PEBP4: variants seen among roughly 807,000 people sequenced by gnomAD.
PEBP4 encodes phosphatidylethanolamine binding protein 4.
PEBP4 carries 22 observed loss-of-function variants against 23.9 expected under a neutral mutation model. That is an observed-to-expected ratio of 0.92 (90% CI 0.66 to 1.31). The LOEUF (loss-of-function observed/expected upper bound fraction) is 1.31. Ranked by LOEUF, PEBP4 falls within the 40% of genes most tolerant of loss-of-function variation. The pLI is 0.00. For missense variants in PEBP4, 324 were observed against 281.7 expected (o/e 1.15, Z -1.07); for synonymous variants, 112 against 99.3 (o/e 1.13, Z -0.76).
chr8:22,771,307 G>T (rs965016740), intron 4 of PEBP4, among the ~76,000 whole-genome samples: 10 of 152,290 alleles, frequency 6.6e-5, no homozygotes, highest in Admixed American at 6.5e-5. Flanking sequence ...TAGCCAACAT[G>T]GTGAAACCCT....
chr8:22,804,095 C>T (rs779800793), intron 4 of PEBP4, among the ~76,000 whole-genome samples: 1 of 152,064 alleles, frequency 6.6e-6, no homozygotes, highest in African/African-American at 2.4e-5. Context: ...TTTGGGAGGC[C>T]GAGGTGGGAG....
intron 4 of PEBP4, among the ~76,000 whole-genome samples, chr8:22,743,228 C>T: frequency 6.6e-6 from 1 of 152,182 alleles, no homozygotes. Flanking sequence ...GAGAGTGAGG[C>T]CTGCCTGAGA....
intron 3 of PEBP4, among the ~76,000 whole-genome samples, chr8:22,846,557 C>T (rs1222631675): frequency 6.6e-6 from 1 of 152,186 alleles, no homozygotes; most frequent in Non-Finnish European, 1.5e-5. Flanking sequence ...GCGATGCCCA[C>T]AGTTCTCCTT....
chr8:22,903,808 G>T (rs1256091114), intron 3 of PEBP4, among the ~76,000 whole-genome samples: 1 of 152,172 alleles, frequency 6.6e-6, no homozygotes, highest in East Asian at 1.9e-4. Context: ...ACTGGGCCAG[G>T]GTTACCTGGT....
chr8:22,889,554 C>T (rs1048872802), intron 3 of PEBP4, among the ~76,000 whole-genome samples: 14 of 152,200 alleles, frequency 9.2e-5, no homozygotes, highest in African/African-American at 2.7e-4. Flanking sequence ...GCAAACAGAA[C>T]CCTTAAAGGA....
chr8:22,734,346 G>A (rs1804806017), intron 4 of PEBP4, among the ~76,000 whole-genome samples: 1 of 152,212 alleles, frequency 6.6e-6, no homozygotes, highest in South Asian at 2.1e-4. Flanking sequence ...GGCCACTGAG[G>A]TGGGTGGAAT....
At chr8:22,924,869 C>A in intron 2 of PEBP4, 1 of 985,340 alleles carries the variant, frequency 1.0e-6, no homozygotes, top group Non-Finnish European at 1.2e-6. Context: ...TCCCGAGAAG[C>A]GTTACTCTTA....
chr8:22,714,446 C>T (rs540158783), intron 6 of PEBP4, among the ~76,000 whole-genome samples: 38 of 151,772 alleles, frequency 2.5e-4, no homozygotes, highest in Non-Finnish European at 4.7e-4. Flanking sequence ...TTGGTGTGAG[C>T]GTGTCCCACA....
At chr8:22,746,125 C>CTT (rs11431376) in intron 4 of PEBP4, among the ~76,000 whole-genome samples, 34 of 150,514 alleles carry the variant, frequency 2.3e-4, no homozygotes, top group Middle Eastern at 3.4e-3. Context: ...AACTTCCTTC[C>CTT]TTTTTTTTTC....
At chr8:22,890,477 C>T (rs551298157) in intron 3 of PEBP4, among the ~76,000 whole-genome samples, 1 of 152,366 alleles carries the variant, frequency 6.6e-6, no homozygotes, top group African/African-American at 2.4e-5. Flanking sequence ...CTGGTGCATT[C>T]TCCATTCTCC....
chr8:22,782,095 G>C (rs1338438617), intron 4 of PEBP4, among the ~76,000 whole-genome samples: 1 of 152,202 alleles, frequency 6.6e-6, no homozygotes, highest in Non-Finnish European at 1.5e-5. Context: ...ACTGGACAGA[G>C]GTGTCCAAGT....
Position 22,902,961 on chromosome 8 carries a change from G to A in PEBP4, c.258+17223C>T, listed in dbSNP as rs186945958. Among the ~76,000 whole-genome samples, 21 of 152,250 alleles carry A rather than the reference G, an allele frequency of 1.4e-4. No homozygotes were observed. In the East Asian group the frequency reaches 3.7e-3, roughly 27 times the overall value. On this transcript the variant is annotated intron_variant, in intron 3 of 6. Transcript: ENST00000256404. ...GTTGGGGAGTGGGGTGGAGGTGAGC[G>A]TTGAACCTTGGACCTTTCTCATTAC... is the stretch of plus-strand genomic sequence containing the variant.
At chr8:22,878,442 G>A (rs1808175430) in intron 3 of PEBP4, among the ~76,000 whole-genome samples, 1 of 152,180 alleles carries the variant, frequency 6.6e-6, no homozygotes. Context: ...TGTGGCAGTG[G>A]CCTTGGGTTT....
intron 3 of PEBP4, among the ~76,000 whole-genome samples, chr8:22,837,098 C>T (rs1224927030): frequency 5.3e-5 from 8 of 152,296 alleles, no homozygotes; most frequent in Non-Finnish European, 4.4e-5. Flanking sequence ...CTCAAAGTCA[C>T]GCCCAATTCT....
chr8:22,885,202 T>C (rs569614307), intron 3 of PEBP4: 1 of 152,310 alleles, frequency 6.6e-6, no homozygotes, highest in Admixed American at 6.5e-5. Flanking sequence ...TCTTGTTTAT[T>C]GAGAGCTTAT....
At chr8:22,728,201 T>G (rs1804656069) in intron 4 of PEBP4, among the ~76,000 whole-genome samples, 1 of 152,084 alleles carries the variant, frequency 6.6e-6, no homozygotes, top group South Asian at 2.1e-4. Flanking sequence ...CTGCTTGAGG[T>G]GGGGGCAGGG....
At chr8:22,761,267 C>T (rs973945395) in intron 4 of PEBP4, among the ~76,000 whole-genome samples, 10 of 152,028 alleles carry the variant, frequency 6.6e-5, no homozygotes, top group Non-Finnish European at 1.3e-4. Flanking sequence ...TGTGTGTGAA[C>T]CCCTCTAGCC....
chr8:22,734,499 G>T lies in PEBP4; in HGVS notation c.358-7279C>A, dbSNP rs541661163. 2.2e-4 allele frequency among the ~76,000 whole-genome samples: 33 copies of T among 152,282 alleles called. No individual in the cohort carries two copies. In the South Asian group the frequency reaches 6.2e-3, roughly 29 times the overall value. On this transcript the variant is annotated intron_variant, in intron 4 of 6. Coordinates refer to ENST00000256404, the MANE Select transcript of PEBP4 (RefSeq NM_144962.3). ...AATGTCCATATCAAAGACTTGGTAG[G>T]CCTTTTCCTGGCACCTTCATGGGCA...
intron 3 of PEBP4, among the ~76,000 whole-genome samples, chr8:22,820,280 T>C (rs1319456209): frequency 2.0e-5 from 3 of 152,240 alleles, no homozygotes; most frequent in Non-Finnish European, 4.4e-5. Context: ...CATAGGTATG[T>C]GGTAGGTTAC....
Sources: allele counts gnomAD v4.1 joint callset (sites outside exome capture counted in the v4.1 genomes callset), GRCh38; gene constraint gnomAD v4.1.1; transcripts MANE v1.5; gene names NCBI Gene and HGNC (gene_info 2026-07-23, HGNC 2026-07-21).